Variants in SORCS3 observed in about 807,000 individuals in gnomAD.
The protein encoded by SORCS3 is VPS10 domain-containing receptor SorCS3.
SORCS3 carries 57 observed loss-of-function variants against 146.3 expected under a neutral mutation model. That is an observed-to-expected ratio of 0.39 (90% confidence interval 0.31 to 0.49). The LOEUF is 0.49. Ranked by LOEUF, SORCS3 falls within the 20% of genes least tolerant of loss-of-function variation. The pLI is 0.92. For synonymous variants in SORCS3, 653 were observed against 618.5 expected (o/e 1.06, Z -0.83); for missense variants, 1,341 against 1,575.5 (o/e 0.85, Z 2.52).
chr10:104,797,936 A>T (rs1307485307), intron 1 of SORCS3, among the ~76,000 whole-genome samples: 2 of 152,208 alleles, frequency 1.3e-5, no homozygotes, highest in Non-Finnish European at 2.9e-5. Flanking sequence ...GAGCTACTGA[A>T]TTAGCATTTT....
chr10:105,104,997 T>C (rs1358681323), intron 6 of SORCS3, among the ~76,000 whole-genome samples: 2 of 152,224 alleles, frequency 1.3e-5, no homozygotes, highest in African/African-American at 4.8e-5. Context: ...CCCTTGCCTC[T>C]GTGGAAATAT....
At chr10:105,121,829 G>A (rs1270569694) in intron 7 of SORCS3, among the ~76,000 whole-genome samples, 1 of 152,198 alleles carries the variant, frequency 6.6e-6, no homozygotes, top group Non-Finnish European at 1.5e-5. Flanking sequence ...CGTGGGGACT[G>A]GGTGGCAGCG....
chr10:104,864,457 C>T (rs2018438595), intron 2 of SORCS3, among the ~76,000 whole-genome samples: 1 of 152,098 alleles, frequency 6.6e-6, no homozygotes, highest in Non-Finnish European at 1.5e-5. Context: ...TACATTCAGT[C>T]CCTTCAGGGT....
intron 2 of SORCS3, among the ~76,000 whole-genome samples, chr10:104,885,612 G>A (rs759689553): frequency 1.1e-4 from 16 of 152,090 alleles, no homozygotes; most frequent in South Asian, 4.1e-4. Context: ...AATATAGAAT[G>A]CATAACCATG....
At chr10:105,016,149 ATATATATTT>A (rs1466930050) in intron 4 of SORCS3, among the ~76,000 whole-genome samples, 2 of 106,340 alleles carry the variant, frequency 1.9e-5, no homozygotes, top group African/African-American at 1.1e-4. Context: ...ATATATATAT[ATATATATTT>A]TTTTTTTTTT....
chr10:104,975,273 A>T (rs1013534075), intron 3 of SORCS3, among the ~76,000 whole-genome samples: 37 of 152,186 alleles, frequency 2.4e-4, no homozygotes, highest in Non-Finnish European at 4.4e-4. Context: ...ATAACAGACA[A>T]GCAGAGAGCC....
intron 1 of SORCS3, among the ~76,000 whole-genome samples, chr10:104,721,471 G>T (rs186548240): frequency 0.014 from 2,074 of 152,022 alleles, 38 homozygotes; most frequent in African/African-American, 0.041. Context: ...CTCTTTTTTG[G>T]TTCCATATGA....
At chr10:105,242,442 A>ATATATATTTATATATT in intron 20 of SORCS3, among the ~76,000 whole-genome samples, 1 of 60,064 alleles carries the variant, frequency 1.7e-5, no homozygotes, top group South Asian at 6.3e-4. Context: ...ACATATATTT[A>ATATATATTTATATATT]TATATATTTA....
intron 13 of SORCS3, 33 bp downstream of exon 13, chr10:105,167,382 A>G: frequency 1.3e-6 from 2 of 1,509,026 alleles, no homozygotes; most frequent in South Asian, 1.1e-5. Context: ...TTAATGAGCT[A>G]ATGAGCAGCT....
chr10:104,792,906 A>G (rs2017511632), intron 1 of SORCS3, among the ~76,000 whole-genome samples: 1 of 152,056 alleles, frequency 6.6e-6, no homozygotes, highest in Non-Finnish European at 1.5e-5. Flanking sequence ...AGATTAAGTT[A>G]TTTTGGGGTC....
intron 3 of SORCS3, among the ~76,000 whole-genome samples, chr10:104,937,821 T>C (rs2019275299): frequency 1.3e-5 from 2 of 152,218 alleles, no homozygotes; most frequent in African/African-American, 4.8e-5. Context: ...GCCACACTAA[T>C]GGGCACTTCC....
At chr10:104,746,672 G>C (rs955950762) in intron 1 of SORCS3, among the ~76,000 whole-genome samples, 1 of 151,932 alleles carries the variant, frequency 6.6e-6, no homozygotes, top group Non-Finnish European at 1.5e-5. Context: ...TCATCCACCC[G>C]CTCCCCCAGG....
chr10:104,784,553 G>T (rs192918915), intron 1 of SORCS3, among the ~76,000 whole-genome samples: 11 of 152,324 alleles, frequency 7.2e-5, no homozygotes, highest in African/African-American at 2.4e-4. Flanking sequence ...GATGCACCCA[G>T]ATAGTAATTC....
chr10:104,841,977 C>A (rs192030998), intron 1 of SORCS3, among the ~76,000 whole-genome samples: 2 of 152,140 alleles, frequency 1.3e-5, no homozygotes, highest in Non-Finnish European at 2.9e-5. Flanking sequence ...AGCCACTGCC[C>A]GGATGCATGA....
intron 1 of SORCS3, among the ~76,000 whole-genome samples, chr10:104,785,326 G>A (rs2017421663): frequency 2.1e-5 from 3 of 144,216 alleles, no homozygotes; most frequent in African/African-American, 7.8e-5. Flanking sequence ...TCCACTCAGG[G>A]TTAAATGGAT....
intron 5 of SORCS3, among the ~76,000 whole-genome samples, chr10:105,045,058 G>T (rs2055361963): frequency 7.5e-6 from 1 of 132,964 alleles, no homozygotes; most frequent in African/African-American, 3.2e-5. Context: ...AAGAAAGAAA[G>T]CGAAAGAAAG....
intron 1 of SORCS3, among the ~76,000 whole-genome samples, chr10:104,793,873 G>A (rs765065000): frequency 1.3e-5 from 2 of 152,196 alleles, no homozygotes; most frequent in Non-Finnish European, 2.9e-5. Context: ...GGATCTACTA[G>A]CATTTAGGTG....
intron 24 of SORCS3, 75 bp downstream of exon 24, chr10:105,255,876 GA>G (rs1346791446): frequency 1.2e-5 from 15 of 1,202,406 alleles, no homozygotes; most frequent in Non-Finnish European, 1.8e-5. Context: ...AGAGAATCAT[GA>G]AACCCTGCTG....
chr10:105,186,449 A>G (rs1207835843), intron 14 of SORCS3, among the ~76,000 whole-genome samples: 3 of 152,206 alleles, frequency 2.0e-5, no homozygotes, highest in Non-Finnish European at 4.4e-5. Context: ...CAGGTACTGA[A>G]CTTTATACTT....
Sources: gnomAD v4.1 joint callset for allele counts (sites outside exome capture counted in the v4.1 genomes callset) on GRCh38, gnomAD v4.1.1 for gene constraint, MANE v1.5 for transcripts, NCBI Gene and HGNC (gene_info 2026-07-23, HGNC 2026-07-21) for gene names.